The following FNBP1L variants were observed in gnomAD, a reference collection of about 807,000 sequenced individuals.
FNBP1L encodes the protein formin-binding protein 1-like.
A neutral mutation model predicts 91.2 loss-of-function variants in FNBP1L; 36 were observed. The observed-to-expected ratio is 0.39, with a 90% CI of 0.30 to 0.52. The LOEUF is 0.52. Among genes scored for constraint, FNBP1L ranks in the 20% least tolerant of loss-of-function variants. The pLI, the probability that FNBP1L is intolerant of heterozygous loss-of-function variation, is 0.66. For missense variants in FNBP1L, 571 were observed against 732.1 expected (o/e 0.78, Z 2.54); for synonymous variants, 242 against 237.0 (o/e 1.02, Z -0.19).
In FNBP1L at chr1:93,453,834, A is replaced by G. The variant is rs546253018; in HGVS notation, c.24+5529A>G. Among the ~76,000 whole-genome samples the G allele has an allele frequency of 3.9e-5, 6 of 152,338 alleles. No individual in the cohort carries two copies. The East Asian group carries it at 1.2e-3, about 29-fold the overall frequency. On this transcript the variant is annotated intron_variant, in intron 1 of 16. Coordinates refer to ENST00000271234, the MANE Select transcript of FNBP1L (RefSeq NM_001164473.3). ...TGTTCATTCAACAGATGTTTATTTCATGCCTATTATGGCTTCAGCACTAAG... is the reference window on the plus strand; with the variant it reads ...TGTTCATTCAACAGATGTTTATTTCGTGCCTATTATGGCTTCAGCACTAAG...
intron 6 of FNBP1L, 141 bp downstream of exon 6, chr1:93,529,897 C>A: frequency 1.8e-6 from 1 of 565,704 alleles, no homozygotes; most frequent in Non-Finnish European, 3.1e-6. Context: ...AAATATTTGC[C>A]AACTTTAAAT....
chr1:93,504,272 C>T (rs1033830890), intron 2 of FNBP1L, among the ~76,000 whole-genome samples: 3 of 152,092 alleles, frequency 2.0e-5, no homozygotes, highest in Non-Finnish European at 4.4e-5. Flanking sequence ...TCGTGTACAT[C>T]ATTGTGATGT....
intron 1 of FNBP1L, among the ~76,000 whole-genome samples, chr1:93,494,578 A>C (rs1288100505): frequency 6.6e-6 from 1 of 152,206 alleles, no homozygotes; most frequent in Non-Finnish European, 1.5e-5. Context: ...GCATAAATTT[A>C]GGTATGATTG....
intron 1 of FNBP1L, among the ~76,000 whole-genome samples, chr1:93,484,297 C>G (rs1669821736): frequency 6.6e-6 from 1 of 152,194 alleles, no homozygotes; most frequent in Admixed American, 6.5e-5. Context: ...GAAGTCTCTT[C>G]TAGCTGTAAA....
chr1:93,552,181 G>A, intron 16 of FNBP1L: 1 of 1,333,274 alleles, frequency 7.5e-7, no homozygotes, highest in Non-Finnish European at 9.6e-7. Flanking sequence ...ATTGTGCAGT[G>A]CTGGTTGTGT....
chr1:93,538,609 C>T (rs1671923010), intron 10 of FNBP1L, among the ~76,000 whole-genome samples: 2 of 151,724 alleles, frequency 1.3e-5, no homozygotes, highest in South Asian at 4.2e-4. Flanking sequence ...AAAAATTAAC[C>T]TATAGAGATT....
intron 1 of FNBP1L, among the ~76,000 whole-genome samples, chr1:93,451,442 C>T (rs1192218847): frequency 6.6e-6 from 1 of 151,998 alleles, no homozygotes. Context: ...TATGGCTGAG[C>T]ACCTCACATT....
intron 1 of FNBP1L, among the ~76,000 whole-genome samples, chr1:93,483,132 G>A (rs1010673935): frequency 1.3e-5 from 2 of 149,178 alleles, no homozygotes; most frequent in African/African-American, 4.9e-5. Flanking sequence ...TGATGCTGTG[G>A]TGAGCTGTGA....
chr1:93,448,235 ACAGACTGAAGGACAGCGGCACCGC>A lies in FNBP1L; in HGVS notation c.-41_-18del, dbSNP rs1432618463. The A allele has an allele frequency of 4.6e-6, 7 of 1,520,622 alleles. No homozygotes were observed. Among genetic ancestry groups the A allele is most frequent in the Non-Finnish European group, 8.8e-7 (1 of 1,134,014 alleles). 94.2% of individuals were successfully genotyped at this position (1,520,622 alleles called of 1,614,324 possible). On this transcript the variant is annotated 5_prime_UTR_variant, in exon 1 of 17. Coordinates refer to ENST00000271234, the MANE Select transcript of FNBP1L (RefSeq NM_001164473.3). ...AGAGGTCGGACAGACTGTGGAGCCG[ACAGACTGAAGGACAGCGGCACCGC>A]CAGACGGCCAGAAAGTTCCGCCATG...
chr1:93,456,436 A>G (rs935118303), intron 1 of FNBP1L, among the ~76,000 whole-genome samples: 2 of 152,020 alleles, frequency 1.3e-5, no homozygotes, highest in African/African-American at 4.8e-5. Flanking sequence ...AGTAAAGGAT[A>G]TCTGTTTTGT....
intron 8 of FNBP1L, among the ~76,000 whole-genome samples, chr1:93,533,794 G>A (rs1005998126): frequency 2.0e-5 from 3 of 152,036 alleles, no homozygotes; most frequent in African/African-American, 7.2e-5. Flanking sequence ...TTGGCTTTCA[G>A]CATGGCTGGA....
rs377121304 is a variant in FNBP1L at position 93,455,307 on chromosome 1, G to A, written c.24+7002G>A. 2.6e-5 allele frequency among the ~76,000 whole-genome samples: 4 copies of A among 152,154 alleles called. No individual in the cohort carries two copies. The East Asian group carries it at 7.7e-4, about 29-fold the overall frequency. On this transcript the variant is annotated intron_variant, in intron 1 of 16. Coordinates refer to ENST00000271234, the MANE Select transcript of FNBP1L (RefSeq NM_001164473.3). ...TCCTGGGCTCAAGCGATCCTCCTGC[G>A]TCAACCTCTCAAGTAGCTAGGACTC...
Position 93,552,595 on chromosome 1 carries a change from A to T in FNBP1L, c.*179A>T, listed in dbSNP as rs1299723464. 5.9e-5 allele frequency: 32 copies of T among 538,176 alleles called. No homozygotes were observed. Among genetic ancestry groups the T allele is most frequent in the Non-Finnish European group, 5.7e-5 (18 of 316,208 alleles). 33.3% of individuals were successfully genotyped at this position (538,176 alleles called of 1,614,324 possible). A position where few individuals can be genotyped will look rare whatever the true frequency, so the allele number is the denominator to read the frequency against. On this transcript the variant is annotated 3_prime_UTR_variant, in exon 17 of 17. Coordinates refer to ENST00000271234, the MANE Select transcript of FNBP1L (RefSeq NM_001164473.3). Reference sequence around the variant, plus strand: ...GCATTTCCATACATTGTTTTTAAAAATCATAATACCAACCCTTAAGTTCCT... The same window carrying T: ...GCATTTCCATACATTGTTTTTAAAATTCATAATACCAACCCTTAAGTTCCT...
intron 12 of FNBP1L, among the ~76,000 whole-genome samples, chr1:93,546,563 G>A (rs557145889): frequency 1.2e-4 from 19 of 152,162 alleles, no homozygotes; most frequent in Non-Finnish European, 2.5e-4. Flanking sequence ...GTGTGTGTGT[G>A]TATATGTACA....
intron 11 of FNBP1L, chr1:93,543,866 C>G (rs958354174): frequency 7.9e-5 from 20 of 254,020 alleles, no homozygotes; most frequent in African/African-American, 3.8e-4. Flanking sequence ...TTTACTTATT[C>G]TGTTTCATGG....
chr1:93,495,942 G>A (rs987312598), intron 1 of FNBP1L, among the ~76,000 whole-genome samples: 2 of 152,154 alleles, frequency 1.3e-5, no homozygotes, highest in African/African-American at 4.8e-5. Context: ...TTTAGAGACA[G>A]GTAATCAACA....
chr1:93,474,284 A>ACTT (rs34344547), intron 1 of FNBP1L, among the ~76,000 whole-genome samples: 76,735 of 151,700 alleles, frequency 0.51, 21,509 homozygotes, highest in East Asian at 0.63. Flanking sequence ...CTTCCATCCT[A>ACTT]CTTCAGGATG....
At chr1:93,477,484 A>C (rs1669538131) in intron 1 of FNBP1L, among the ~76,000 whole-genome samples, 2 of 152,236 alleles carry the variant, frequency 1.3e-5, no homozygotes, top group African/African-American at 4.8e-5. Flanking sequence ...GTGTTAATCT[A>C]TAAAATAGTA....
intron 2 of FNBP1L, among the ~76,000 whole-genome samples, chr1:93,508,013 T>A (rs1570816922): frequency 6.6e-6 from 1 of 151,556 alleles, no homozygotes; most frequent in African/African-American, 2.4e-5. Context: ...TAAATTCAAG[T>A]CCCTTCCCAG....
Sources: gnomAD v4.1 joint callset for allele counts (sites outside exome capture counted in the v4.1 genomes callset) on GRCh38, gnomAD v4.1.1 for gene constraint, MANE v1.5 for transcripts, NCBI Gene and HGNC (gene_info 2026-07-23, HGNC 2026-07-21) for gene names.